SLC45A4: variants seen among roughly 807,000 people sequenced by gnomAD.
SLC45A4 encodes solute carrier family 45 member 4.
SLC45A4 carries 32 observed loss-of-function variants against 63.7 expected under a neutral mutation model. That is an observed-to-expected ratio of 0.50 (90% CI 0.38 to 0.67). The LOEUF is 0.67. Among genes scored for constraint, SLC45A4 ranks in the 30% least tolerant of loss-of-function variants. The pLI is 0.00. For missense variants in SLC45A4, 1,027 were observed against 1,157.7 expected, an observed-to-expected ratio of 0.89 and a Z score of 1.64; for synonymous variants, 535 against 510.0, an observed-to-expected ratio of 1.05 and a Z score of -0.66.
At chr8:141,287,044 G>C (rs1022457281) in intron 1 of SLC45A4, among the ~76,000 whole-genome samples, 16 of 152,118 alleles carry the variant, frequency 1.1e-4, no homozygotes, top group Admixed American at 3.3e-4. Context: ...GTGTGACCTT[G>C]AGGAAGTCGC....
intron 2 of SLC45A4, among the ~76,000 whole-genome samples, chr8:141,251,419 C>T (rs1453696704): frequency 1.3e-5 from 2 of 151,952 alleles, no homozygotes; most frequent in East Asian, 1.9e-4. Context: ...CCTCGCTGGT[C>T]GGGTCACTTT....
chr8:141,280,493 G>A (rs772894773), intron 1 of SLC45A4, among the ~76,000 whole-genome samples: 1 of 152,206 alleles, frequency 6.6e-6, no homozygotes, highest in Non-Finnish European at 1.5e-5. Context: ...ATGCAACATG[G>A]TGTTGGGGCC....
intron 1 of SLC45A4, among the ~76,000 whole-genome samples, chr8:141,259,509 C>T (rs1272657507): frequency 6.6e-6 from 1 of 152,152 alleles, no homozygotes; most frequent in Non-Finnish European, 1.5e-5. Context: ...CATGCATCTC[C>T]CTTGCCCTTC....
At chr8:141,305,646 T>C (rs1226541817) in intron 1 of SLC45A4, among the ~76,000 whole-genome samples, 1 of 152,154 alleles carries the variant, frequency 6.6e-6, no homozygotes, top group Non-Finnish European at 1.5e-5. Flanking sequence ...CCTCACTCGG[T>C]GCCAGGCCAC....
intron 7 of SLC45A4, among the ~76,000 whole-genome samples, chr8:141,214,263 C>G (rs564137844): frequency 6.6e-6 from 1 of 151,212 alleles, no homozygotes; most frequent in African/African-American, 2.4e-5. Context: ...TTTGAAAGAG[C>G]AAACACCACT....
At chr8:141,293,941 A>G (rs1394709442) in intron 1 of SLC45A4, among the ~76,000 whole-genome samples, 1 of 142,838 alleles carries the variant, frequency 7.0e-6, no homozygotes, top group African/African-American at 2.5e-5. Context: ...TCAAGAAAAA[A>G]AAAAAGTAAA....
At chr8:141,283,753 C>A (rs571917987) in intron 1 of SLC45A4, among the ~76,000 whole-genome samples, 26 of 152,194 alleles carry the variant, frequency 1.7e-4, no homozygotes, top group Non-Finnish European at 3.5e-4. Flanking sequence ...GAAGAATCAA[C>A]GGCAGCCAGG....
At chr8:141,303,308 T>TG (rs1563686822) in intron 1 of SLC45A4, among the ~76,000 whole-genome samples, 1 of 150,550 alleles carries the variant, frequency 6.6e-6, no homozygotes. Context: ...ATTTTTGTTT[T>TG]TTTTTTTTTT....
intron 1 of SLC45A4, among the ~76,000 whole-genome samples, chr8:141,255,142 G>A (rs1828712358): frequency 6.6e-6 from 1 of 152,162 alleles, no homozygotes; most frequent in South Asian, 2.1e-4. Context: ...GCCCAGGCTG[G>A]AGTGCGGTCA....
chr8:141,281,645 A>C (rs1563671097), intron 1 of SLC45A4, among the ~76,000 whole-genome samples: 1 of 152,260 alleles, frequency 6.6e-6, no homozygotes, highest in South Asian at 2.1e-4. Flanking sequence ...CAGTGTTTGC[A>C]CATACACAGA....
In SLC45A4 at chr8:141,253,982, G is replaced by A; in HGVS notation, c.241+7C>T. ...GTTCACTGCGCACAGACGGGGAGGA[G>A]ACTTACCAATCTGCAACAGTATTGG... On this transcript the variant is annotated splice_region_variant and intron_variant, in intron 2 of 8. Coordinates refer to ENST00000517878, the MANE Select transcript of SLC45A4 (RefSeq NM_001286646.2). 2 of 1,536,062 alleles carry A rather than the reference G, an allele frequency of 1.3e-6. No individual in the cohort carries two copies. Among genetic ancestry groups the A allele is most frequent in the Non-Finnish European group, 1.7e-6 (2 of 1,146,824 alleles).
At chr8:141,226,305 C>T (rs886195617) in intron 2 of SLC45A4, 6 of 152,374 alleles carry the variant, frequency 3.9e-5, no homozygotes, top group South Asian at 2.1e-4. Context: ...CACCACCGCC[C>T]GTGCCTCCCA....
intron 1 of SLC45A4, among the ~76,000 whole-genome samples, chr8:141,274,351 T>A (rs1333576699): frequency 6.6e-6 from 1 of 151,216 alleles, no homozygotes; most frequent in African/African-American, 2.4e-5. Context: ...CTGGCCAACA[T>A]GGTAAAACCC....
intron 7 of SLC45A4, among the ~76,000 whole-genome samples, chr8:141,214,456 CT>C (rs1826018563): frequency 6.6e-6 from 1 of 152,156 alleles, no homozygotes; most frequent in African/African-American, 2.4e-5. Flanking sequence ...GCATGTCACA[CT>C]GATGCACTGA....
At chr8:141,219,629 G>T in intron 4 of SLC45A4, 21 bp downstream of exon 4, 1 of 1,589,454 alleles carries the variant, frequency 6.3e-7, no homozygotes. Context: ...CGGCCACCCA[G>T]CCTTGGTGCG....
chr8:141,219,864 C>G (rs746471596), intron 3 of SLC45A4, 35 bp from the exon 4 acceptor site: 1 of 1,518,534 alleles, frequency 6.6e-7, no homozygotes, highest in African/African-American at 1.4e-5. Context: ...GTCAGGTCCT[C>G]AAGCACTGGC....
At chr8:141,279,468 C>A (rs1268194614) in intron 1 of SLC45A4, among the ~76,000 whole-genome samples, 2 of 152,286 alleles carry the variant, frequency 1.3e-5, no homozygotes, top group African/African-American at 4.8e-5. Flanking sequence ...ACGTCTGTCA[C>A]TTGCTCTTTC....
intron 2 of SLC45A4, among the ~76,000 whole-genome samples, chr8:141,222,669 C>T (rs536484156): frequency 1.1e-4 from 16 of 152,360 alleles, no homozygotes; most frequent in African/African-American, 1.7e-4. Flanking sequence ...AGCACGGGAA[C>T]GAGCGGCCGC....
intron 2 of SLC45A4, among the ~76,000 whole-genome samples, chr8:141,246,697 T>C (rs992388460): frequency 1.1e-4 from 9 of 81,052 alleles, no homozygotes; most frequent in Admixed American, 1.0e-3. Context: ...AGAGCCTCTT[T>C]ATACTCCTCC....
Sources: allele counts gnomAD v4.1 joint callset (sites outside exome capture counted in the v4.1 genomes callset), GRCh38; gene constraint gnomAD v4.1.1; transcripts MANE v1.5; gene names NCBI Gene and HGNC (gene_info 2026-07-23, HGNC 2026-07-21).